SHISA9: variants seen among roughly 807,000 people sequenced by gnomAD.
The protein encoded by SHISA9 is shisa family member 9, also known as protein shisa-9.
A neutral mutation model predicts 38.0 loss-of-function variants in SHISA9; 13 were observed. The ratio of observed to expected loss-of-function variants is 0.34; its 90% CI spans 0.22 to 0.54. The LOEUF (loss-of-function observed/expected upper bound fraction) is 0.54, where lower values mean the gene tolerates loss of function less well. Among genes scored for constraint, SHISA9 ranks in the 20% least tolerant of loss-of-function variants. The probability of loss-of-function intolerance (pLI) is 0.91; values close to 1 mark genes in which losing one functional copy is unlikely to be tolerated. For synonymous variants in SHISA9, 275 were observed against 242.0 expected (o/e 1.14, Z -1.27); for missense variants, 538 against 575.8 (o/e 0.93, Z 0.67).
chr16:13,397,410 T>G, the SHISA9 span, among the ~76,000 whole-genome samples: 3 of 146,122 alleles, frequency 2.1e-5, no homozygotes, highest in South Asian at 6.3e-4. Context: ...TGTTACAGTG[T>G]TTTTGGTTTG....
chr16:13,294,651 G>A, the SHISA9 span, among the ~76,000 whole-genome samples: 1 of 152,168 alleles, frequency 6.6e-6, no homozygotes, highest in Non-Finnish European at 1.5e-5. Flanking sequence ...GATCTCCAAG[G>A]TGTTACCCAA....
the SHISA9 span, among the ~76,000 whole-genome samples, chr16:13,476,834 C>T: frequency 0.013 from 1,889 of 148,484 alleles, 40 homozygotes; most frequent in African/African-American, 0.045. Flanking sequence ...CTGCAAGCTC[C>T]GCCTCCCTGG....
chr16:12,961,855 T>A (rs2071916138), intron 2 of SHISA9, among the ~76,000 whole-genome samples: 1 of 152,202 alleles, frequency 6.6e-6, no homozygotes, highest in Admixed American at 6.5e-5. Flanking sequence ...CTGTCAGGTG[T>A]GATCACACAC....
At chr16:12,917,729 C>T in intron 2 of SHISA9, among the ~76,000 whole-genome samples, 1 of 152,142 alleles carries the variant, frequency 6.6e-6, no homozygotes, top group Non-Finnish European at 1.5e-5. Context: ...ATAACAAAAG[C>T]CAGACAATTT....
intron 2 of SHISA9, among the ~76,000 whole-genome samples, chr16:12,975,658 G>GC (rs1479209005): frequency 1.4e-5 from 2 of 147,720 alleles, no homozygotes; most frequent in East Asian, 2.0e-4. Context: ...GACGGGGGCG[G>GC]GGGGGGTAAG....
the SHISA9 span, among the ~76,000 whole-genome samples, chr16:13,553,900 T>A: frequency 6.6e-6 from 1 of 152,118 alleles, no homozygotes; most frequent in South Asian, 2.1e-4. Flanking sequence ...CCAAACCAGA[T>A]GATGATCCAC....
chr16:13,139,886 A>C (rs1184591400), intron 2 of SHISA9, among the ~76,000 whole-genome samples: 4 of 152,080 alleles, frequency 2.6e-5, no homozygotes, highest in African/African-American at 9.7e-5. Context: ...TCATTAAGCT[A>C]CTGGCTCTGA....
the SHISA9 span, among the ~76,000 whole-genome samples, chr16:13,485,197 G>A: frequency 1.4e-3 from 214 of 150,544 alleles, no homozygotes; most frequent in Middle Eastern, 3.4e-3. Flanking sequence ...CCCTTGCCCC[G>A]CACCCCCCGA....
At chr16:13,490,703 C>T in the SHISA9 span, among the ~76,000 whole-genome samples, 1 of 152,156 alleles carries the variant, frequency 6.6e-6, no homozygotes, top group Admixed American at 6.5e-5. Context: ...TTGATCCACT[C>T]GAGCTCTTTG....
chr16:13,296,973 G>A, the SHISA9 span, among the ~76,000 whole-genome samples: 1 of 130,978 alleles, frequency 7.6e-6, no homozygotes, highest in Admixed American at 7.8e-5. Context: ...AAACAACAAA[G>A]AGAATAACCA....
chr16:13,192,289 G>A (rs1460078283), intron 2 of SHISA9, among the ~76,000 whole-genome samples: 5 of 151,994 alleles, frequency 3.3e-5, no homozygotes, highest in African/African-American at 1.2e-4. Flanking sequence ...TCACTATTTG[G>A]GTGATGGCTA....
the SHISA9 span, among the ~76,000 whole-genome samples, chr16:13,401,773 A>G: frequency 6.6e-5 from 10 of 152,290 alleles, 1 homozygote; most frequent in South Asian, 2.1e-3. Context: ...TCATACTGCT[A>G]TGGAGAAATG....
At chr16:13,392,691 G>T in the SHISA9 span, among the ~76,000 whole-genome samples, 2 of 152,228 alleles carry the variant, frequency 1.3e-5, no homozygotes, top group Non-Finnish European at 2.9e-5. Context: ...AAACCGATTT[G>T]CTGTGGAGGC....
At chr16:13,129,132 CA>C (rs1348087907) in intron 2 of SHISA9, among the ~76,000 whole-genome samples, 1 of 152,074 alleles carries the variant, frequency 6.6e-6, no homozygotes, top group African/African-American at 2.4e-5. Flanking sequence ...AATAAGAAGA[CA>C]GAGTTATTGT....
chr16:13,206,448 A>T (rs1293245728), intron 3 of SHISA9, among the ~76,000 whole-genome samples: 1 of 152,226 alleles, frequency 6.6e-6, no homozygotes, highest in East Asian at 1.9e-4. Flanking sequence ...AAGCACTGAC[A>T]CAACCATGTG....
chr16:13,085,107 T>C (rs1019223926), intron 2 of SHISA9, among the ~76,000 whole-genome samples: 7 of 152,106 alleles, frequency 4.6e-5, no homozygotes, highest in Non-Finnish European at 1.0e-4. Context: ...ATCATTCTGA[T>C]TGTGGTGGAT....
chr16:13,457,776 CA>C, the SHISA9 span, among the ~76,000 whole-genome samples: 1 of 151,920 alleles, frequency 6.6e-6, no homozygotes, highest in African/African-American at 2.4e-5. Flanking sequence ...TGTCCTCAAA[CA>C]GGAACTGAAG....
chr16:12,908,727 T>C (rs536998623), intron 1 of SHISA9: 9 of 1,455,678 alleles, frequency 6.2e-6, no homozygotes, highest in South Asian at 2.9e-5. Context: ...TACCGTAAGA[T>C]GAAGTCTAGG....
At chr16:13,299,311 C>T in the SHISA9 span, among the ~76,000 whole-genome samples, 11 of 152,300 alleles carry the variant, frequency 7.2e-5, no homozygotes, top group Non-Finnish European at 1.3e-4. Context: ...CTTCACTCTT[C>T]GCAATCCAAT....
Sources: allele counts gnomAD v4.1 joint callset (sites outside exome capture counted in the v4.1 genomes callset), GRCh38; gene constraint gnomAD v4.1.1; transcripts MANE v1.5; gene names NCBI Gene and HGNC (gene_info 2026-07-23, HGNC 2026-07-21).